The following LUZP2 variants were observed in gnomAD, a reference collection of about 807,000 sequenced individuals.
LUZP2 encodes the protein leucine zipper protein 2.
In LUZP2, 52 loss-of-function variants were observed where a neutral mutation model predicts 51.6. The observed-to-expected ratio is 1.01, with a 90% CI of 0.81 to 1.27. LUZP2 has a LOEUF of 1.27. Ranked by LOEUF, LUZP2 falls within the 50% of genes most tolerant of loss-of-function variation. The pLI is 0.00. For synonymous variants in LUZP2, 154 were observed against 137.3 expected (o/e 1.12, Z -0.85); for missense variants, 436 against 395.4 (o/e 1.10, Z -0.87).
At chr11:24,547,493 G>A (rs1464389833) in intron 1 of LUZP2, among the ~76,000 whole-genome samples, 1 of 151,936 alleles carries the variant, frequency 6.6e-6, no homozygotes, top group Non-Finnish European at 1.5e-5. Flanking sequence ...AATAAATGAT[G>A]ATGAGATAAC....
intron 9 of LUZP2, among the ~76,000 whole-genome samples, chr11:24,989,844 T>G (rs1041102115): frequency 2.0e-5 from 3 of 152,148 alleles, no homozygotes; most frequent in Non-Finnish European, 4.4e-5. Flanking sequence ...AGATTTAAAC[T>G]AAGGTCTGGT....
At chr11:24,838,309 C>T (rs774247753) in intron 5 of LUZP2, among the ~76,000 whole-genome samples, 27 of 151,542 alleles carry the variant, frequency 1.8e-4, no homozygotes, top group Non-Finnish European at 1.3e-4. Flanking sequence ...CATATACATT[C>T]TCTTTTTGTA....
At position 24,741,956 on chromosome 11, in the gene LUZP2, TTATATATAAATATATA is replaced by T. The variant is rs1859179924; in HGVS notation, c.333+3655_333+3670del. The stretch of plus-strand genomic sequence containing the variant: ...ATATATAAATATATACATTTATATA[TTATATATAAATATATA>T]CATTTATATATTATATATAAATGTA... On this transcript the variant is annotated intron_variant, in intron 4 of 11. Transcript: ENST00000336930. Among the ~76,000 whole-genome samples the T allele has an allele frequency of 4.0e-5, 5 of 125,676 alleles. No individual in the cohort carries two copies. In the Admixed American group the frequency reaches 4.5e-4, roughly 11 times the overall value. The allele number at this position is 125,676 out of a possible 152,430, so 82.4% of individuals were successfully genotyped here. A position where few individuals can be genotyped will look rare whatever the true frequency, so the allele number is the denominator to read the frequency against.
chr11:25,030,953 A>G (rs1422885815), intron 9 of LUZP2, among the ~76,000 whole-genome samples: 4 of 2,966 alleles, frequency 1.3e-3, no homozygotes, highest in Non-Finnish European at 1.5e-3. Context: ...TATATTATAT[A>G]TATAATACAA....
intron 9 of LUZP2, among the ~76,000 whole-genome samples, chr11:25,028,087 T>A (rs1857548227): frequency 6.6e-6 from 1 of 152,104 alleles, no homozygotes; most frequent in African/African-American, 2.4e-5. Flanking sequence ...GGGGTACTAG[T>A]AGGTGTGTAT....
intron 1 of LUZP2, among the ~76,000 whole-genome samples, chr11:24,691,788 C>T (rs185043130): frequency 1.2e-4 from 18 of 152,070 alleles, no homozygotes; most frequent in African/African-American, 4.3e-4. Context: ...GCCCTGAACA[C>T]TCTTTGATGT....
intron 5 of LUZP2, among the ~76,000 whole-genome samples, chr11:24,882,893 GAAA>G (rs1293952461): frequency 8.5e-6 from 1 of 118,298 alleles, no homozygotes; most frequent in South Asian, 2.4e-4. Context: ...AAGAAGGAAA[GAAA>G]AAGAAAGAGA....
rs145657921 is a variant in LUZP2, at chr11:24,825,396, C to A, written c.396+62088C>A. ...TTTGTACTCCATTTTCCTCCCTTCC[C>A]CATTTTCCCCTCTTCTGATCCTCTC... On this transcript the variant is annotated intron_variant, in intron 5 of 11. Transcript: ENST00000336930. 4.5e-3 allele frequency among the ~76,000 whole-genome samples: 690 copies of A among 152,246 alleles called. 7 individuals are homozygous for A. The highest frequency in any genetic ancestry group is 0.016 in the African/African-American group (652 of 41,550).
intron 1 of LUZP2, among the ~76,000 whole-genome samples, chr11:24,672,456 A>C (rs868483208): frequency 2.6e-5 from 4 of 152,214 alleles, no homozygotes; most frequent in Middle Eastern, 3.2e-3. Context: ...TACTATATTT[A>C]ATTCATTGTA....
Position 24,976,599 on chromosome 11 carries a change from G to A in LUZP2, c.531G>A (p.Gln177=). The stretch of plus-strand genomic sequence containing the variant: ...TATCTCTTATTTTACAGGCGCAGCA[G>A]CTTACTGATCTGGAACAAAAATTAG... ...GKKDLLFKAQ[Q]LTDLEQKLAV... The change falls in exon 8 of 12, where the codon CAG becomes CAA. Residue 177 remains glutamine, a synonymous_variant. Transcript: ENST00000336930. 2 of 1,584,860 alleles carry A rather than the reference G, an allele frequency of 1.3e-6. No individual in the cohort carries two copies. The highest frequency in any genetic ancestry group is 2.3e-5 in the South Asian group (2 of 87,534).
At chr11:24,761,023 G>A (rs76369718) in intron 4 of LUZP2, among the ~76,000 whole-genome samples, 8,187 of 152,156 alleles carry the variant, frequency 0.054, 400 homozygotes, top group African/African-American at 0.13. Context: ...AAATCCAATA[G>A]CCTAGATTTT....
intron 1 of LUZP2, among the ~76,000 whole-genome samples, chr11:24,674,449 C>T (rs1856485544): frequency 6.6e-6 from 1 of 152,140 alleles, no homozygotes; most frequent in Non-Finnish European, 1.5e-5. Flanking sequence ...TACTGGGAAT[C>T]ACCAGGAGAA....
chr11:24,837,802 A>C (rs1316781646), intron 5 of LUZP2, among the ~76,000 whole-genome samples: 1 of 151,644 alleles, frequency 6.6e-6, no homozygotes, highest in East Asian at 1.9e-4. Context: ...TACATGCTCA[A>C]TATACTATAA....
intron 1 of LUZP2, among the ~76,000 whole-genome samples, chr11:24,698,892 C>T (rs1007381376): frequency 1.3e-5 from 2 of 151,416 alleles, no homozygotes; most frequent in African/African-American, 4.9e-5. Flanking sequence ...CCAGTCTCTA[C>T]AAAAAAAATA....
intron 1 of LUZP2, among the ~76,000 whole-genome samples, chr11:24,616,659 C>A (rs1471156558): frequency 1.3e-5 from 2 of 152,036 alleles, no homozygotes; most frequent in Non-Finnish European, 2.9e-5. Flanking sequence ...TTGCACAGAT[C>A]GATGTGTCTG....
chr11:24,972,333 A>G (rs189778739), intron 7 of LUZP2, among the ~76,000 whole-genome samples: 174 of 152,154 alleles, frequency 1.1e-3, no homozygotes, highest in African/African-American at 4.0e-3. Flanking sequence ...ATATATTACT[A>G]TTGAACTGGT....
chr11:25,077,302 A>C, intron 10 of LUZP2, 27 bp from the exon 11 acceptor site: 1 of 1,539,624 alleles, frequency 6.5e-7, no homozygotes, highest in Non-Finnish European at 9.0e-7. Context: ...AACTTCATTG[A>C]TGTATTTTTA....
intron 1 of LUZP2, among the ~76,000 whole-genome samples, chr11:24,727,010 G>T (rs979754689): frequency 1.3e-5 from 2 of 151,902 alleles, no homozygotes; most frequent in South Asian, 2.1e-4. Flanking sequence ...GATAACTTGT[G>T]CCTCTTCATG....
intron 5 of LUZP2, among the ~76,000 whole-genome samples, chr11:24,895,323 A>T (rs569426038): frequency 1.1e-4 from 17 of 152,294 alleles, no homozygotes; most frequent in South Asian, 6.2e-4. Context: ...TATATATATA[A>T]AAAAACTGCA....
Sources: gnomAD v4.1 joint callset for allele counts (sites outside exome capture counted in the v4.1 genomes callset) on GRCh38, gnomAD v4.1.1 for gene constraint, MANE v1.5 for transcripts, NCBI Gene and HGNC (gene_info 2026-07-23, HGNC 2026-07-21) for gene names.